ARHGEF19: variants seen among roughly 807,000 people sequenced by gnomAD.
ARHGEF19 encodes Rho guanine nucleotide exchange factor 19, also known as Rho guanine nucleotide exchange factor (GEF) 19.
ARHGEF19 carries 92 observed loss-of-function variants against 87.6 expected under a neutral mutation model. The ratio of observed to expected loss-of-function variants is 1.05; its 90% confidence interval spans 0.89 to 1.25. The LOEUF is 1.25. Among genes scored for constraint, ARHGEF19 ranks in the 50% most tolerant of loss-of-function variants. The pLI is 0.00. For missense variants in ARHGEF19, 1,054 were observed against 1,051.8 expected, an observed-to-expected ratio of 1.00 and a Z score of -0.03; for synonymous variants, 438 against 446.2, an observed-to-expected ratio of 0.98 and a Z score of 0.23.
chr1:16,206,802 T>C lies in ARHGEF19; in HGVS notation c.1137+146A>G. On this transcript the variant is annotated intron_variant, in intron 6 of 15. Transcript: ENST00000270747. The surrounding 1 kb of genome is among the most constrained non-coding windows in gnomAD (Gnocchi z 4.6). ...TTCCAGACGGCCTCGTGTAGTCAGGTCCTAGAGCCAACCTTCCGCGCGGAC... is the reference window on the plus strand; with the variant it reads ...TTCCAGACGGCCTCGTGTAGTCAGGCCCTAGAGCCAACCTTCCGCGCGGAC... The C allele has an allele frequency of 9.3e-7, 1 of 1,076,426 alleles. No homozygotes were observed. The highest frequency in any genetic ancestry group is 1.3e-6 in the Non-Finnish European group (1 of 798,444). The allele number at this position is 1,076,426 out of a possible 1,614,324, so 66.7% of individuals were successfully genotyped here. A position where few individuals can be genotyped will look rare whatever the true frequency, so the allele number is the denominator to read the frequency against.
At chr1:16,199,095 C>T (rs2081063958) in intron 15 of ARHGEF19, 55 bp downstream of exon 15, 9 of 1,554,646 alleles carry the variant, frequency 5.8e-6, no homozygotes, top group African/African-American at 1.4e-5. Context: ...GTCATCTAGC[C>T]ACCTCCTGCC....
chr1:16,207,119 C>G lies in ARHGEF19; in HGVS notation c.966G>C (p.Glu322Asp), dbSNP rs752442735. ...GCGGCCCCGGCCCCTCCTCTGCGCC[C>G]TCGGCCTCGTCCCCCGGGCCCTCCT... is the stretch of plus-strand genomic sequence containing the variant. ...REEEGPGDEA[E>D]GAEEGPGPPR... Residue 322 changes from glutamate (E) to aspartate (D), a missense_variant, in exon 6 of 16, where the codon GAG becomes GAC. Glu to Asp is a conservative substitution (Grantham distance 45). Transcript: ENST00000270747. This position sits in a 1 kb window ranked among gnomAD's most constrained non-coding sequence, Gnocchi z 4.0. The G allele has an allele frequency of 2.0e-6, 3 of 1,517,968 alleles. No individual in the cohort carries two copies. The South Asian group carries it at 3.7e-5, about 19-fold the overall frequency. 94.0% of individuals were successfully genotyped at this position (1,517,968 alleles called of 1,614,324 possible).
Position 16,206,360 on chromosome 1 carries a change from G to C in ARHGEF19, c.1138-20C>G. ...CTTGGCCTGAGGGAGGGCACACACG[G>C]GGTCGAAAGGGCAGGACCAGTTCAC... is the stretch of plus-strand genomic sequence containing the variant. On this transcript the variant is annotated intron_variant, in intron 6 of 15. Coordinates refer to ENST00000270747, the MANE Select transcript of ARHGEF19 (RefSeq NM_153213.5). This position sits in a 1 kb window ranked among gnomAD's most constrained non-coding sequence, Gnocchi z 4.6. 1 of 1,567,846 alleles carries C rather than the reference G, an allele frequency of 6.4e-7. No individual in the cohort carries two copies. The highest frequency in any genetic ancestry group is 8.6e-7 in the Non-Finnish European group (1 of 1,156,138).
Position 16,208,724 on chromosome 1 carries a change from G to T in ARHGEF19, c.331C>A (p.Pro111Thr). Residue 111 changes from proline to threonine, a missense_variant, in exon 2 of 16, where the codon CCA becomes ACA. Transcript: ENST00000270747. Reference protein sequence around the residue: ...SWPHCPGAQPPALEGPWSPRH... With the variant: ...SWPHCPGAQPTALEGPWSPRH... ...GGACTCCAGGGTCCCTCCAGAGCTGGGGGCTGGGCACCAGGACAGTGTGGC... is the reference window on the plus strand; with the variant it reads ...GGACTCCAGGGTCCCTCCAGAGCTGTGGGCTGGGCACCAGGACAGTGTGGC... The T allele has an allele frequency of 1.9e-6, 3 of 1,609,176 alleles. No homozygotes were observed. The highest frequency in any genetic ancestry group is 2.5e-6 in the Non-Finnish European group (3 of 1,178,466).
chr1:16,208,134 C>G lies in ARHGEF19; in HGVS notation c.504G>C (p.Glu168Asp), dbSNP rs2081163084. 5.0e-6 allele frequency: 8 copies of G among 1,613,540 alleles called. No homozygotes were observed. Among genetic ancestry groups the G allele is most frequent in the Non-Finnish European group, 6.8e-6 (8 of 1,179,550 alleles). Residue 168 changes from glutamate to aspartate, a missense_variant, in exon 3 of 16, where the codon GAG becomes GAC. Coordinates refer to ENST00000270747, the MANE Select transcript of ARHGEF19 (RefSeq NM_153213.5). ...VFLEPGQVVQ[E>D]QALSTEEPRV... is the part of the protein sequence containing the mutation. The stretch of plus-strand genomic sequence containing the variant: ...TGGGCTCCTCTGTGCTCAGGGCCTG[C>G]TCTTGCACTACCTGGCCAGGCTCTA...
chr1:16,199,326 G>C, intron 14 of ARHGEF19, 72 bp from the exon 15 acceptor site: 1 of 1,315,366 alleles, frequency 7.6e-7, no homozygotes, highest in Non-Finnish European at 1.1e-6. Context: ...GTAGGGCAGG[G>C]AGGGGCAGTA....
rs1026986173 is a variant in ARHGEF19 at position 16,206,409 on chromosome 1, C to T, written c.1138-69G>A. On this transcript the variant is annotated intron_variant, in intron 6 of 15. Transcript: ENST00000270747. This position sits in a 1 kb window ranked among gnomAD's most constrained non-coding sequence, Gnocchi z 4.6. ...ACCTCGGAGGCCCTGGCCTCACATC[C>T]CCAGACCCCAGGACGCCACACCTCG... is the stretch of plus-strand genomic sequence containing the variant. 8.6e-6 allele frequency: 13 copies of T among 1,517,098 alleles called. No individual in the cohort carries two copies. In the South Asian group the frequency reaches 1.4e-4, roughly 17 times the overall value. 94.0% of individuals were successfully genotyped at this position (1,517,098 alleles called of 1,614,324 possible). A position where few individuals can be genotyped will look rare whatever the true frequency, so the allele number is the denominator to read the frequency against.
intron 1 of ARHGEF19, among the ~76,000 whole-genome samples, chr1:16,209,546 C>T (rs2081179189): frequency 6.6e-6 from 1 of 152,210 alleles, no homozygotes. Flanking sequence ...CATTTTCTCC[C>T]AAGTATAGAA....
chr1:16,210,336 G>A (rs372282088), intron 1 of ARHGEF19, among the ~76,000 whole-genome samples: 1 of 152,196 alleles, frequency 6.6e-6, no homozygotes, highest in Non-Finnish European at 1.5e-5. Flanking sequence ...TGGCCTCGCT[G>A]TGGGCAGGCC....
At position 16,205,372 on chromosome 1, in the gene ARHGEF19, C is replaced by T; in HGVS notation, c.1635G>A (p.Lys545=). Residue 545 remains lysine, a synonymous_variant, in exon 10 of 16, where the codon AAG becomes AAA. Coordinates refer to ENST00000270747, the MANE Select transcript of ARHGEF19 (RefSeq NM_153213.5). The surrounding 1 kb of genome is among the most constrained non-coding windows in gnomAD (Gnocchi z 5.8). The stretch of plus-strand genomic sequence containing the variant: ...TCACCTCCTTGAGCGCATTGAAGGC[C>T]TTGGTGGCCATGTCTTCGTCTTCAG... The part of the protein sequence containing the change: ...QGSEDEDMAT[K]AFNALKELVQ... 6.2e-7 allele frequency: 1 copy of T among 1,613,608 alleles called. No individual in the cohort carries two copies. Among genetic ancestry groups the T allele is most frequent in the Non-Finnish European group, 8.5e-7 (1 of 1,179,686 alleles).
Position 16,206,148 on chromosome 1 carries a change from C to A in ARHGEF19, c.1298+32G>T. 1 of 1,585,146 alleles carries A rather than the reference C, an allele frequency of 6.3e-7. No individual in the cohort carries two copies. ...AGCTGGCCAACCACTGGCTCCGTCC[C>A]CACCCCGGGCCAGGCCAGACCACTT... On this transcript the variant is annotated intron_variant, in intron 7 of 15. Coordinates refer to ENST00000270747, the MANE Select transcript of ARHGEF19 (RefSeq NM_153213.5). This position sits in a 1 kb window ranked among gnomAD's most constrained non-coding sequence, Gnocchi z 4.6.
intron 2 of ARHGEF19, 151 bp from the exon 3 acceptor site, chr1:16,208,376 C>T: frequency 1.8e-6 from 2 of 1,119,452 alleles, no homozygotes; most frequent in Non-Finnish European, 2.5e-6. Flanking sequence ...TCCCCAGAGC[C>T]CTGGGGTCCA....
rs1157792481 is a variant in ARHGEF19 at position 16,206,817 on chromosome 1, T to G, written c.1137+131A>C. 13 of 1,207,230 alleles carry G rather than the reference T, an allele frequency of 1.1e-5. No homozygotes were observed. Among genetic ancestry groups the G allele is most frequent in the East Asian group, 3.1e-5 (1 of 32,592 alleles). The allele number at this position is 1,207,230 out of a possible 1,614,324, so 74.8% of individuals were successfully genotyped here. ...TGTAGTCAGGTCCTAGAGCCAACCT[T>G]CCGCGCGGACAGTCGCGCCAGCAAC... On this transcript the variant is annotated intron_variant, in intron 6 of 15. Coordinates refer to ENST00000270747, the MANE Select transcript of ARHGEF19 (RefSeq NM_153213.5). This position sits in a 1 kb window ranked among gnomAD's most constrained non-coding sequence, Gnocchi z 4.6.
chr1:16,208,535 G>T (rs1446462809), intron 2 of ARHGEF19, 108 bp downstream of exon 2: 12 of 1,386,986 alleles, frequency 8.7e-6, no homozygotes, highest in Non-Finnish European at 1.1e-5. Flanking sequence ...TCTACCACTT[G>T]TCCTGACTTT....
chr1:16,200,296 T>A (rs1378368107), intron 14 of ARHGEF19, among the ~76,000 whole-genome samples: 1 of 152,246 alleles, frequency 6.6e-6, no homozygotes, highest in African/African-American at 2.4e-5. Context: ...GAAAAATGTC[T>A]ACCTAGTAGG....
In ARHGEF19 at chr1:16,205,131, C is replaced by T. The variant is rs1429359528; in HGVS notation, c.1702G>A (p.Glu568Lys). The T allele has an allele frequency of 6.2e-7, 1 of 1,605,944 alleles. No individual in the cohort carries two copies. The highest frequency in any genetic ancestry group is 8.5e-7 in the Non-Finnish European group (1 of 1,176,280). Reference sequence around the variant, plus strand: ...TTCTTGCTCAGGTGGATGAGTTCCTCTGTCCTCTTCATGGACTGTACACTA... The same window carrying T: ...TTCTTGCTCAGGTGGATGAGTTCCTTTGTCCTCTTCATGGACTGTACACTA... ...NASVQSMKRT[E>K]ELIHLSKKIH... The change falls in exon 11 of 16, where the codon GAG becomes AAG. Residue 568 changes from glutamate to lysine, a missense_variant. By Grantham distance (56) the Glu-to-Lys change is moderately conservative. Coordinates refer to ENST00000270747, the MANE Select transcript of ARHGEF19 (RefSeq NM_153213.5). This position sits in a 1 kb window ranked among gnomAD's most constrained non-coding sequence, Gnocchi z 5.8.
At position 16,198,095 on chromosome 1, in the gene ARHGEF19, A is replaced by T. The variant is rs149825220; in HGVS notation, c.*492T>A. The T allele has an allele frequency of 4.1e-3, 620 of 152,390 alleles. 4 individuals are homozygous for T. The highest frequency in any genetic ancestry group is 0.03 in the Middle Eastern group (9 of 298). The allele number at this position is 152,390 out of a possible 1,614,324, so 9.4% of individuals were successfully genotyped here. On this transcript the variant is annotated 3_prime_UTR_variant, in exon 16 of 16. Coordinates refer to ENST00000270747, the MANE Select transcript of ARHGEF19 (RefSeq NM_153213.5). This position sits in a 1 kb window ranked among gnomAD's most constrained non-coding sequence, Gnocchi z 4.1. ...GGGGGCAGCATCAGATGGATCACAG[A>T]CTCCAAGCAAAGGCATGATAGGAGT...
At chr1:16,199,715 G>A (rs1417441889) in intron 14 of ARHGEF19, among the ~76,000 whole-genome samples, 2 of 152,122 alleles carry the variant, frequency 1.3e-5, no homozygotes. Flanking sequence ...AGCCCTCCAG[G>A]GCTTCCCAGT....
chr1:16,201,520 C>T (rs946824799), intron 14 of ARHGEF19, among the ~76,000 whole-genome samples: 3 of 152,202 alleles, frequency 2.0e-5, no homozygotes, highest in Non-Finnish European at 4.4e-5. Context: ...CTCTGAACCT[C>T]TCTTCTAACT....
Sources: allele counts gnomAD v4.1 joint callset (sites outside exome capture counted in the v4.1 genomes callset), GRCh38; gene constraint gnomAD v4.1.1; non-coding constraint Gnocchi (gnomAD v3.1); transcripts MANE v1.5; gene names NCBI Gene and HGNC (gene_info 2026-07-23, HGNC 2026-07-21).